The following ADH6 variants were observed in gnomAD, a reference collection of about 807,000 sequenced individuals.
ADH6 encodes alcohol dehydrogenase 6 (class V).
A neutral mutation model predicts 36.5 loss-of-function variants in ADH6; 34 were observed. That is an observed-to-expected ratio of 0.93 (90% CI 0.71 to 1.24). The LOEUF (loss-of-function observed/expected upper bound fraction) is 1.24. ADH6 is among the 50% of genes most tolerant of loss of function. The pLI is 0.00. For synonymous variants in ADH6, 161 were observed against 155.5 expected, an observed-to-expected ratio of 1.04 and a Z score of -0.26; for missense variants, 440 against 447.0, an observed-to-expected ratio of 0.98 and a Z score of 0.14.
intron 7 of ADH6, among the ~76,000 whole-genome samples, chr4:99,206,162 A>G (rs1205395452): frequency 6.6e-6 from 1 of 152,154 alleles, no homozygotes; most frequent in Non-Finnish European, 1.5e-5. Context: ...GGGACTAGGC[A>G]GTGTTTCTCA....
chr4:99,216,318 A>C, intron 1 of ADH6, 56 bp from the exon 2 acceptor site: 1 of 1,107,112 alleles, frequency 9.0e-7, no homozygotes, highest in Non-Finnish European at 1.3e-6. Context: ...GGGAGTTGGA[A>C]GATTGCTATA....
Position 99,210,065 on chromosome 4 carries a change from G to GT in ADH6, c.567+16dup. On this transcript the variant is annotated intron_variant, in intron 5 of 8. Transcript: ENST00000394899. ...ATCCCAATAATTCCCTTCCAAATGGGTATAAATGCCCCTCACCTTGGCAGT... is the reference window on the plus strand; with the variant it reads ...ATCCCAATAATTCCCTTCCAAATGGGTTATAAATGCCCCTCACCTTGGCAGT... The GT allele has an allele frequency of 6.2e-7, 1 of 1,610,216 alleles. No homozygotes were observed. Among genetic ancestry groups the GT allele is most frequent in the Non-Finnish European group, 8.5e-7 (1 of 1,177,250 alleles).
chr4:99,205,969 A>T (rs1393699252), intron 7 of ADH6, among the ~76,000 whole-genome samples: 3 of 152,130 alleles, frequency 2.0e-5, no homozygotes, highest in African/African-American at 4.8e-5. Flanking sequence ...TGTTTCTGTT[A>T]TGTGTAACCA....
At chr4:99,207,400 C>G (rs989638249) in intron 7 of ADH6, 46 bp downstream of exon 7, 1 of 1,608,348 alleles carries the variant, frequency 6.2e-7, no homozygotes, top group African/African-American at 1.3e-5. Context: ...CTATTTCCCA[C>G]CTTCACCTCC....
At chr4:99,215,369 C>T (rs892345841) in intron 2 of ADH6, among the ~76,000 whole-genome samples, 1 of 152,226 alleles carries the variant, frequency 6.6e-6, no homozygotes, top group Non-Finnish European at 1.5e-5. Context: ...AACTGCAAGT[C>T]AGGTAAACTA....
In ADH6 at chr4:99,204,952, G is replaced by C. The variant is rs374752814; in HGVS notation, c.1076C>G (p.Ala359Gly). The C allele has an allele frequency of 1.1e-4, 177 of 1,608,762 alleles. 1 individual carries two copies. The highest frequency in any genetic ancestry group is 3.4e-4 in the Admixed American group (20 of 59,070). ...TTTTCCAGTTTTCATTAATTCAACT[G>C]CTTCATTGATTTTATCAAGATTCAG... is the stretch of plus-strand genomic sequence containing the variant. ...HTLNLDKINE[A>G]VELMKTGKCI... Residue 359 changes from alanine (A) to glycine (G), a missense_variant, in exon 8 of 9, where the codon GCA becomes GGA. By Grantham distance (60) the Ala-to-Gly change is moderately conservative. Coordinates refer to ENST00000394899, the MANE Select transcript of ADH6 (RefSeq NM_001102470.2).
rs555972080 is a variant in ADH6 at position 99,210,491 on chromosome 4, T to C, written c.274A>G (p.Ile92Val). 10 of 1,610,464 alleles carry C rather than the reference T, an allele frequency of 6.2e-6. No individual in the cohort carries two copies. In the South Asian group the frequency reaches 8.8e-5, roughly 14 times the overall value. Residue 92 changes from isoleucine to valine, a missense_variant, in exon 4 of 9, where the codon ATC becomes GTC. Coordinates refer to ENST00000394899, the MANE Select transcript of ADH6 (RefSeq NM_001102470.2). The part of the protein sequence containing the change: ...VSTVKPGDKV[I>V]TLFLPQCGEC... ...CCACACTGTGGCAGAAAGAGTGTGA[T>C]AACTTTGTCACCTAAAAGAGCAAAA...
rs1731128093 is a variant in ADH6 at position 99,208,852 on chromosome 4, G to A, written c.644C>T (p.Ala215Val). Reference protein sequence around the residue: ...GLSVVMGCKAAGAARIIGVDV... With the variant: ...GLSVVMGCKAVGAARIIGVDV... The stretch of plus-strand genomic sequence containing the variant: ...CACTCCAATGATCCTGGCTGCTCCT[G>A]CTGCTTTACAACCCATGACAACAGA... Residue 215 changes from alanine to valine, a missense_variant, in exon 6 of 9, where the codon GCA (alanine) becomes GTA (valine). By Grantham distance (64) the Ala-to-Val change is moderately conservative. Coordinates refer to ENST00000394899, the MANE Select transcript of ADH6 (RefSeq NM_001102470.2). 1.2e-6 allele frequency: 2 copies of A among 1,613,578 alleles called. No homozygotes were observed. The highest frequency in any genetic ancestry group is 3.3e-5 in the Admixed American group (2 of 59,932).
intron 3 of ADH6, among the ~76,000 whole-genome samples, chr4:99,213,145 A>G (rs1731286163): frequency 6.6e-6 from 1 of 152,184 alleles, no homozygotes; most frequent in South Asian, 2.1e-4. Flanking sequence ...AGTTGTTTCA[A>G]CACAATTTGT....
At position 99,202,711 on chromosome 4, in the gene ADH6, C is replaced by T. The variant is rs1166686894; in HGVS notation, c.*1508G>A. The T allele has an allele frequency of 7.5e-6, 3 of 397,892 alleles. No homozygotes were observed. The highest frequency in any genetic ancestry group is 3.6e-5 in the East Asian group (1 of 28,074). 24.6% of individuals were successfully genotyped at this position (397,892 alleles called of 1,614,324 possible). On this transcript the variant is annotated 3_prime_UTR_variant, in exon 9 of 9. Transcript: ENST00000394899. ...TTACAACAAAACGTTTCCGGGAAAA[C>T]TTGGATTTCCCAAGACCCGAAGACT...
intron 7 of ADH6, among the ~76,000 whole-genome samples, chr4:99,207,139 A>C (rs1485721044): frequency 6.6e-6 from 1 of 152,066 alleles, no homozygotes; most frequent in Non-Finnish European, 1.5e-5. Context: ...AATTTCGCTG[A>C]AGTGTAGTTA....
chr4:99,216,372 G>A (rs757727115), intron 1 of ADH6, 110 bp from the exon 2 acceptor site: 81 of 549,124 alleles, frequency 1.5e-4, no homozygotes, highest in Non-Finnish European at 2.2e-4. Context: ...CCAACTTTCC[G>A]CACTGCAGAA....
At chr4:99,205,242 T>C (rs1356342440) in intron 7 of ADH6, among the ~76,000 whole-genome samples, 179 bp from the exon 8 acceptor site, 1 of 152,088 alleles carries the variant, frequency 6.6e-6, no homozygotes, top group Non-Finnish European at 1.5e-5. Context: ...TAGAGGGCTG[T>C]GTTCCTAAAG....
chr4:99,211,456 T>C, intron 3 of ADH6, among the ~76,000 whole-genome samples: 1 of 152,172 alleles, frequency 6.6e-6, no homozygotes, highest in Non-Finnish European at 1.5e-5. Context: ...TCTTTGTTTC[T>C]CTACACCCCA....
chr4:99,208,032 A>T (rs1244674920), intron 6 of ADH6, among the ~76,000 whole-genome samples: 2 of 152,048 alleles, frequency 1.3e-5, no homozygotes, highest in East Asian at 3.9e-4. Context: ...AGTGTGAGAA[A>T]GGTTTTGCTG....
At chr4:99,213,776 T>C in intron 2 of ADH6, 29 bp from the exon 3 acceptor site, 1 of 1,536,248 alleles carries the variant, frequency 6.5e-7, no homozygotes, top group Non-Finnish European at 8.7e-7. Context: ...GTACTGCAGT[T>C]CCCGCTGTTT....
chr4:99,214,499 GT>G (rs1455365862), intron 2 of ADH6, among the ~76,000 whole-genome samples: 7 of 152,102 alleles, frequency 4.6e-5, no homozygotes, highest in Non-Finnish European at 7.4e-5. Context: ...GAGCTTTATA[GT>G]TTTGTTATTT....
At chr4:99,215,722 C>T (rs1259584569) in intron 2 of ADH6, 2 of 152,470 alleles carry the variant, frequency 1.3e-5, no homozygotes, top group Non-Finnish European at 2.9e-5. Context: ...TCAGTCTTCG[C>T]ATCTGTAAAA....
intron 5 of ADH6, among the ~76,000 whole-genome samples, 183 bp downstream of exon 5, chr4:99,209,899 A>G (rs1320778870): frequency 6.6e-6 from 1 of 152,106 alleles, no homozygotes; most frequent in Non-Finnish European, 1.5e-5. Context: ...ACTCACCAAG[A>G]GGGAATGGGA....
Sources: allele counts gnomAD v4.1 joint callset (sites outside exome capture counted in the v4.1 genomes callset), GRCh38; gene constraint gnomAD v4.1.1; transcripts MANE v1.5; gene names NCBI Gene and HGNC (gene_info 2026-07-23, HGNC 2026-07-21).